RORB: variants seen among roughly 807,000 people sequenced by gnomAD.
RORB encodes the protein nuclear receptor ROR-beta.
Under a neutral mutation model 59.1 loss-of-function variants are expected in RORB, and 6 were observed. That is an observed-to-expected ratio of 0.10 (90% CI 0.06 to 0.20). The LOEUF is 0.20. Ranked by LOEUF, RORB falls within the 10% of genes least tolerant of loss-of-function variation. RORB has a pLI of 1.00. For missense variants in RORB, 320 were observed against 560.5 expected, an observed-to-expected ratio of 0.57 and a Z score of 4.33; for synonymous variants, 215 against 204.5, an observed-to-expected ratio of 1.05 and a Z score of -0.44.
chr9:74,536,366 A>G (rs1443957752), intron 1 of RORB, among the ~76,000 whole-genome samples: 1 of 151,984 alleles, frequency 6.6e-6, no homozygotes, highest in African/African-American at 2.4e-5. Flanking sequence ...AGAGGAGATT[A>G]GAAAAATTAT....
chr9:74,657,965 A>G (rs1824112169), intron 4 of RORB, among the ~76,000 whole-genome samples: 1 of 139,806 alleles, frequency 7.2e-6, no homozygotes, highest in Non-Finnish European at 1.5e-5. Context: ...AGATCGTGCC[A>G]CTGCCATCCA....
At chr9:74,664,259 G>A (rs1290974349) in intron 6 of RORB, among the ~76,000 whole-genome samples, 2 of 152,168 alleles carry the variant, frequency 1.3e-5, no homozygotes, top group Non-Finnish European at 2.9e-5. Flanking sequence ...GGCACCATGA[G>A]TCCCATGGAA....
intron 1 of RORB, among the ~76,000 whole-genome samples, chr9:74,549,611 AGGAAGGAAGGAAGGAAGAAAG>A (rs1291967151): frequency 9.1e-5 from 10 of 109,294 alleles, no homozygotes; most frequent in African/African-American, 3.4e-4. Context: ...GAAGGAAGAA[AGGAAGGAAGGAAGGAAGAAAG>A]GAAAGAAAGA....
chr9:74,652,221 A>G (rs2118488715), intron 4 of RORB, among the ~76,000 whole-genome samples: 1 of 152,342 alleles, frequency 6.6e-6, no homozygotes, highest in Admixed American at 6.5e-5. Context: ...AGACTGGCCA[A>G]CATGGTGAAA....
intron 1 of RORB, among the ~76,000 whole-genome samples, chr9:74,581,063 T>G (rs954263856): frequency 6.6e-6 from 1 of 152,154 alleles, no homozygotes; most frequent in African/African-American, 2.4e-5. Flanking sequence ...TCTCTGAACT[T>G]GGTAGCACAG....
chr9:74,610,249 A>T (rs183295963), intron 1 of RORB, among the ~76,000 whole-genome samples: 22 of 152,370 alleles, frequency 1.4e-4, no homozygotes, highest in African/African-American at 5.3e-4. Flanking sequence ...TTTCGTGCTA[A>T]ATTAGTCTGA....
chr9:74,647,407 A>G (rs570997516), intron 4 of RORB, among the ~76,000 whole-genome samples: 49 of 152,340 alleles, frequency 3.2e-4, no homozygotes, highest in African/African-American at 9.1e-4. Context: ...AAGACAATTG[A>G]AACAGCCAAA....
At chr9:74,512,646 C>T (rs958457584) in intron 1 of RORB, among the ~76,000 whole-genome samples, 1 of 152,114 alleles carries the variant, frequency 6.6e-6, no homozygotes, top group African/African-American at 2.4e-5. Flanking sequence ...CAGGACAGCC[C>T]ACAAGGCAAA....
At chr9:74,628,459 C>T (rs369093395) in intron 1 of RORB, among the ~76,000 whole-genome samples, 1 of 152,130 alleles carries the variant, frequency 6.6e-6, no homozygotes, top group Non-Finnish European at 1.5e-5. Context: ...CAAATCACCT[C>T]AAAAGCAGAA....
At chr9:74,601,270 C>T (rs1376524430) in intron 1 of RORB, among the ~76,000 whole-genome samples, 1 of 151,588 alleles carries the variant, frequency 6.6e-6, no homozygotes, top group Non-Finnish European at 1.5e-5. Context: ...AGGCACATCA[C>T]ATCAAGAAAT....
intron 1 of RORB, among the ~76,000 whole-genome samples, chr9:74,591,085 G>A (rs757108911): frequency 2.0e-5 from 3 of 152,300 alleles, no homozygotes; most frequent in East Asian, 1.9e-4. Flanking sequence ...GTGAGCCACC[G>A]TGTCCAGCCA....
chr9:74,594,555 A>G (rs1052536797), intron 1 of RORB, among the ~76,000 whole-genome samples: 1 of 152,218 alleles, frequency 6.6e-6, no homozygotes, highest in Non-Finnish European at 1.5e-5. Context: ...TCACATTCAT[A>G]TATATGAGAC....
intron 1 of RORB, among the ~76,000 whole-genome samples, chr9:74,523,566 G>T (rs1393476523): frequency 6.6e-6 from 1 of 151,844 alleles, no homozygotes; most frequent in Non-Finnish European, 1.5e-5. Flanking sequence ...CTGTGTTATT[G>T]TACATATATG....
rs140746855 is a variant in RORB at position 74,509,394 on chromosome 9, T to G, written c.7+11411T>G. Reference sequence around the variant, plus strand: ...CTCCTTTTATATATATTTCAAAATTTTGAAAAAATTGCATATTTATGGATT... The same window carrying G: ...CTCCTTTTATATATATTTCAAAATTGTGAAAAAATTGCATATTTATGGATT... On this transcript the variant is annotated intron_variant, in intron 1 of 9. Coordinates refer to ENST00000376896, the MANE Select transcript of RORB (RefSeq NM_006914.4). 3.3e-5 allele frequency among the ~76,000 whole-genome samples: 5 copies of G among 152,154 alleles called. No homozygotes were observed. In the East Asian group the frequency reaches 9.6e-4, roughly 29 times the overall value.
chr9:74,642,308 T>C, intron 3 of RORB, 106 bp from the exon 4 acceptor site: 4 of 1,099,524 alleles, frequency 3.6e-6, no homozygotes, highest in South Asian at 3.0e-5. Flanking sequence ...TAGACATTTG[T>C]GCATTTGAAG....
rs538334136 is a variant in RORB at position 74,587,278 on chromosome 9, C to T, written c.8-43004C>T. ...CCTAACCGTCTCCCAGTGGAATATGCGAAATTCTTTATCAGAAGTTACTGT... is the reference window on the plus strand; with the variant it reads ...CCTAACCGTCTCCCAGTGGAATATGTGAAATTCTTTATCAGAAGTTACTGT... On this transcript the variant is annotated intron_variant, in intron 1 of 9. Transcript: ENST00000376896. Among the ~76,000 whole-genome samples, 62 of 152,146 alleles carry T rather than the reference C, an allele frequency of 4.1e-4. 1 individual carries two copies. The highest frequency in any genetic ancestry group is 2.0e-4 in the Admixed American group (3 of 15,288).
intron 1 of RORB, among the ~76,000 whole-genome samples, chr9:74,523,667 GA>G (rs1301833614): frequency 6.6e-6 from 1 of 151,824 alleles, no homozygotes; most frequent in African/African-American, 2.4e-5. Context: ...ACATTAAAAG[GA>G]AAAAAATCAC....
chr9:74,539,093 T>G (rs1291118645), intron 1 of RORB, among the ~76,000 whole-genome samples: 2 of 152,156 alleles, frequency 1.3e-5, no homozygotes, highest in African/African-American at 4.8e-5. Context: ...TGAACTCAAG[T>G]TCATTTTCTA....
At chr9:74,648,927 T>G (rs1587405086) in intron 4 of RORB, among the ~76,000 whole-genome samples, 1 of 151,554 alleles carries the variant, frequency 6.6e-6, no homozygotes, top group African/African-American at 2.4e-5. Context: ...TCCAAGCTCC[T>G]CTTGAAGAAA....
Sources: gnomAD v4.1 joint callset for allele counts (sites outside exome capture counted in the v4.1 genomes callset) on GRCh38, gnomAD v4.1.1 for gene constraint, MANE v1.5 for transcripts, NCBI Gene and HGNC (gene_info 2026-07-23, HGNC 2026-07-21) for gene names.